The following FSIP1 variants were observed in gnomAD, a reference collection of about 807,000 sequenced individuals.
FSIP1 encodes fibrous sheath interacting protein 1.
Under a neutral mutation model 60.9 loss-of-function variants are expected in FSIP1, and 65 were observed. The observed-to-expected ratio is 1.07, with a 90% CI of 0.87 to 1.31. The LOEUF is 1.31. FSIP1 is among the 40% of genes most tolerant of loss of function. The probability of loss-of-function intolerance (pLI) is 0.00; values close to 1 mark genes in which losing one functional copy is unlikely to be tolerated. For missense variants in FSIP1, 675 were observed against 665.5 expected (o/e 1.01, Z -0.16); for synonymous variants, 209 against 221.2 (o/e 0.94, Z 0.49).
chr15:39,701,333 T>A (rs1027368081), intron 10 of FSIP1, among the ~76,000 whole-genome samples: 2 of 152,126 alleles, frequency 1.3e-5, no homozygotes, highest in Non-Finnish European at 2.9e-5. Flanking sequence ...AAAATCCACC[T>A]TATTGGCAAA....
intron 9 of FSIP1, among the ~76,000 whole-genome samples, chr15:39,718,237 T>C (rs57522022): frequency 0.017 from 2,643 of 152,070 alleles, 70 homozygotes; most frequent in African/African-American, 0.058. Flanking sequence ...TAGATATAGA[T>C]ACAGATATAG....
At chr15:39,615,075 A>T (rs1208880223) in intron 11 of FSIP1, among the ~76,000 whole-genome samples, 1 of 152,206 alleles carries the variant, frequency 6.6e-6, no homozygotes, top group Non-Finnish European at 1.5e-5. Context: ...TATGCAGAAT[A>T]ATAAAATTTG....
intron 1 of FSIP1, among the ~76,000 whole-genome samples, chr15:39,778,072 G>GAA (rs1351294195): frequency 6.6e-6 from 1 of 152,184 alleles, no homozygotes; most frequent in Non-Finnish European, 1.5e-5. Flanking sequence ...AAAAAGCATT[G>GAA]ATCTCAACAT....
chr15:39,686,444 A>G (rs1451190618), intron 10 of FSIP1, among the ~76,000 whole-genome samples: 2 of 152,290 alleles, frequency 1.3e-5, no homozygotes, highest in Non-Finnish European at 2.9e-5. Flanking sequence ...CCAAACTGTC[A>G]ATATAAATTG....
At chr15:39,776,281 T>A in intron 2 of FSIP1, 118 bp downstream of exon 2, 1 of 848,850 alleles carries the variant, frequency 1.2e-6, no homozygotes, top group East Asian at 2.8e-5. Context: ...CTGCAAGTGC[T>A]CCCCAAACAC....
Position 39,776,504 on chromosome 15 carries a change from G to C in FSIP1, c.21C>G (p.Asn7Lys), listed in dbSNP as rs138139603. ...AAGCTGGTTTTGAAATTCCATCTAG[G>C]TTTCCCTTTATAATATCCATTGAAA... MDIIKG[N>K]LDGISKPASN... is the part of the protein sequence containing the mutation. The change falls in exon 2 of 12, where the codon AAC becomes AAG. Residue 7 changes from asparagine (N) to lysine (K), a missense_variant. Physicochemically the swap from Asn to Lys is moderately conservative, Grantham distance 94. Transcript: ENST00000350221. The C allele has an allele frequency of 6.9e-6, 11 of 1,601,806 alleles. No homozygotes were observed. The highest frequency in any genetic ancestry group is 9.4e-6 in the Non-Finnish European group (11 of 1,172,392).
chr15:39,603,449 G>A (rs1890713667), intron 11 of FSIP1, among the ~76,000 whole-genome samples: 1 of 152,238 alleles, frequency 6.6e-6, no homozygotes, highest in Non-Finnish European at 1.5e-5. Flanking sequence ...GGCAGCACTG[G>A]CTAAGGAACA....
chr15:39,721,912 T>C (rs1566901057), intron 9 of FSIP1, among the ~76,000 whole-genome samples: 1 of 152,214 alleles, frequency 6.6e-6, no homozygotes, highest in Non-Finnish European at 1.5e-5. Context: ...CATTAAACCC[T>C]TTGTAAGCAA....
At position 39,763,858 on chromosome 15, in the gene FSIP1, T is replaced by A. The variant is rs560347922; in HGVS notation, c.522A>T (p.Lys174Asn). The A allele has an allele frequency of 1.9e-6, 3 of 1,594,844 alleles. No individual in the cohort carries two copies. The highest frequency in any genetic ancestry group is 1.7e-5 in the Admixed American group (1 of 59,748). The stretch of plus-strand genomic sequence containing the variant: ...CAGAAACAGCAGTCAAAGATAAAAA[T>A]TTTTTTGTATTTTCCATCTCCTCTT... Reference protein sequence around the residue: ...QSKEEMENTKKFLSLTAVSEE... With the variant: ...QSKEEMENTKNFLSLTAVSEE... Residue 174 changes from lysine to asparagine, a missense_variant, in exon 5 of 12, where the codon AAA becomes AAT. By Grantham distance (94) the Lys-to-Asn change is moderately conservative. Coordinates refer to ENST00000350221, the MANE Select transcript of FSIP1 (RefSeq NM_152597.5).
At chr15:39,654,799 G>A (rs183861399) in intron 10 of FSIP1, among the ~76,000 whole-genome samples, 47 of 152,232 alleles carry the variant, frequency 3.1e-4, no homozygotes, top group African/African-American at 7.5e-4. Context: ...AAAATTCTGC[G>A]ACCCCAAGTA....
chr15:39,776,916 G>T (rs1898083565), intron 1 of FSIP1, among the ~76,000 whole-genome samples: 1 of 151,934 alleles, frequency 6.6e-6, no homozygotes, highest in Non-Finnish European at 1.5e-5. Flanking sequence ...ATTTGCTAAG[G>T]CCCTCCTGCT....
chr15:39,715,994 G>A (rs887344048), intron 9 of FSIP1, among the ~76,000 whole-genome samples: 3 of 152,086 alleles, frequency 2.0e-5, no homozygotes, highest in Admixed American at 6.6e-5. Context: ...CTGCAGAACC[G>A]CGAGCCAATT....
At chr15:39,662,619 G>A (rs1176824251) in intron 10 of FSIP1, among the ~76,000 whole-genome samples, 1 of 151,774 alleles carries the variant, frequency 6.6e-6, no homozygotes, top group Non-Finnish European at 1.5e-5. Flanking sequence ...CAACAGTACT[G>A]AGAAATCAAA....
At chr15:39,771,242 T>C (rs1897876304) in intron 2 of FSIP1, among the ~76,000 whole-genome samples, 1 of 152,194 alleles carries the variant, frequency 6.6e-6, no homozygotes, top group African/African-American at 2.4e-5. Flanking sequence ...GTTTGTAAAC[T>C]GTGATGAAAA....
intron 10 of FSIP1, among the ~76,000 whole-genome samples, chr15:39,627,220 A>G (rs933575907): frequency 6.6e-6 from 1 of 152,078 alleles, no homozygotes; most frequent in Non-Finnish European, 1.5e-5. Flanking sequence ...TGCCGGGCTG[A>G]GCACTTGCCT....
chr15:39,623,073 T>A (rs1303670341), intron 10 of FSIP1, among the ~76,000 whole-genome samples: 1 of 151,020 alleles, frequency 6.6e-6, no homozygotes, highest in Non-Finnish European at 1.5e-5. Flanking sequence ...TTTACACATC[T>A]CCACCCAGAT....
intron 5 of FSIP1, among the ~76,000 whole-genome samples, chr15:39,755,764 T>C (rs1308838546): frequency 2.0e-5 from 3 of 152,132 alleles, no homozygotes; most frequent in African/African-American, 7.2e-5. Flanking sequence ...TTGGTTATGA[T>C]GTTGATGTTT....
chr15:39,650,707 T>A (rs1025242488), intron 10 of FSIP1, among the ~76,000 whole-genome samples: 4 of 152,224 alleles, frequency 2.6e-5, no homozygotes, highest in African/African-American at 9.6e-5. Flanking sequence ...TGACGGTCTA[T>A]CGTACAGCAT....
intron 10 of FSIP1, among the ~76,000 whole-genome samples, chr15:39,663,851 T>G (rs1465536607): frequency 2.0e-5 from 3 of 152,250 alleles, no homozygotes; most frequent in Non-Finnish European, 4.4e-5. Flanking sequence ...CTATTTAAAC[T>G]CTACTTCATC....
Sources: allele counts gnomAD v4.1 joint callset (sites outside exome capture counted in the v4.1 genomes callset), GRCh38; gene constraint gnomAD v4.1.1; transcripts MANE v1.5; gene names NCBI Gene and HGNC (gene_info 2026-07-23, HGNC 2026-07-21).